LPIN2: variants seen among roughly 807,000 people sequenced by gnomAD.
LPIN2 encodes the protein lipin 2.
LPIN2 carries 55 observed loss-of-function variants against 111.4 expected under a neutral mutation model. The observed-to-expected ratio is 0.49, with a 90% confidence interval of 0.40 to 0.62. The LOEUF is 0.62. LPIN2 is among the 20% of genes least tolerant of loss of function. The pLI is 0.00. For missense variants in LPIN2, 992 were observed against 1,112.1 expected (o/e 0.89, Z 1.54); for synonymous variants, 425 against 414.0 (o/e 1.03, Z -0.32).
rs557256576 is a variant in LPIN2 at position 2,946,543 on chromosome 18, T to C, written c.590+4512A>G. 1,206 of 1,494,828 alleles carry C rather than the reference T, an allele frequency of 8.1e-4. 3 individuals are homozygous for C. The highest frequency in any genetic ancestry group is 1.2e-3 in the East Asian group (54 of 44,182). 92.6% of individuals were successfully genotyped at this position (1,494,828 alleles called of 1,614,324 possible). Reference sequence around the variant, plus strand: ...TGTAGCACAGCAAGGCCATTTTTTTTCCCACTGTCACAGGCAAGGCCCAAA... The same window carrying C: ...TGTAGCACAGCAAGGCCATTTTTTTCCCCACTGTCACAGGCAAGGCCCAAA... On this transcript the variant is annotated intron_variant, in intron 4 of 19. Coordinates refer to ENST00000677752, the MANE Select transcript of LPIN2 (RefSeq NM_001375808.2).
intron 2 of LPIN2, among the ~76,000 whole-genome samples, chr18:2,955,702 G>A (rs1020838834): frequency 1.3e-5 from 2 of 152,150 alleles, no homozygotes; most frequent in African/African-American, 4.8e-5. Flanking sequence ...GGTCACCTGA[G>A]GTCAAGAGTT....
chr18:2,946,751 A>C, intron 4 of LPIN2: 1 of 532,078 alleles, frequency 1.9e-6, no homozygotes, highest in Non-Finnish European at 3.4e-6. Context: ...AGTATGGAAC[A>C]GATAAGTGGG....
At chr18:2,997,084 C>A (rs2078357158) in intron 1 of LPIN2, among the ~76,000 whole-genome samples, 1 of 151,912 alleles carries the variant, frequency 6.6e-6, no homozygotes, top group African/African-American at 2.4e-5. Flanking sequence ...CGGATTCAAG[C>A]AATTCTCCTG....
At chr18:2,968,566 A>G (rs1488095372) in intron 1 of LPIN2, among the ~76,000 whole-genome samples, 1 of 116,476 alleles carries the variant, frequency 8.6e-6, no homozygotes, top group Non-Finnish European at 2.0e-5. Context: ...ACTAGAGAAC[A>G]AAAAGAGAAA....
intron 4 of LPIN2, chr18:2,946,784 G>C (rs2077459008): frequency 2.1e-6 from 1 of 479,598 alleles, no homozygotes; most frequent in East Asian, 4.3e-5. Context: ...CATAACCAAA[G>C]ACCACTAACT....
At chr18:2,974,991 C>T (rs1453135566) in intron 1 of LPIN2, among the ~76,000 whole-genome samples, 2 of 152,106 alleles carry the variant, frequency 1.3e-5, no homozygotes, top group African/African-American at 4.8e-5. Flanking sequence ...AGAGCAAGAT[C>T]CTGACTCAAA....
At chr18:2,982,927 T>C (rs1462153487) in intron 1 of LPIN2, 4 of 352,558 alleles carry the variant, frequency 1.1e-5, no homozygotes, top group African/African-American at 6.5e-5. Flanking sequence ...AAGCAATGCA[T>C]ACACAAGTTT....
At chr18:2,933,236 A>G (rs1482340326) in intron 8 of LPIN2, among the ~76,000 whole-genome samples, 1 of 152,212 alleles carries the variant, frequency 6.6e-6, no homozygotes, top group Non-Finnish European at 1.5e-5. Context: ...ATGGACAGTG[A>G]CTGTGAACAG....
At chr18:2,928,468 A>T (rs2144147767) in intron 11 of LPIN2, 123 bp downstream of exon 11, 1 of 945,012 alleles carries the variant, frequency 1.1e-6, no homozygotes, top group Non-Finnish European at 1.7e-6. Flanking sequence ...CTTTTATATT[A>T]AATATTAAGC....
rs115359001 is a variant in LPIN2, at chr18:2,971,284, G to A, written c.-9-10435C>T. 5.2e-3 allele frequency among the ~76,000 whole-genome samples: 796 copies of A among 152,230 alleles called. 8 individuals carry two copies. The highest frequency in any genetic ancestry group is 0.018 in the African/African-American group (734 of 41,530). Reference sequence around the variant, plus strand: ...GGAGGAAGTGGGATCAAAAAGGAACGTACATCCACAACAGATTGTGAATCC... The same window carrying A: ...GGAGGAAGTGGGATCAAAAAGGAACATACATCCACAACAGATTGTGAATCC... On this transcript the variant is annotated intron_variant, in intron 1 of 19. Transcript: ENST00000677752.
Position 2,927,718 on chromosome 18 carries a change from T to C in LPIN2, c.1710+4A>G, listed in dbSNP as rs1208629242. The C allele has an allele frequency of 6.2e-7, 1 of 1,613,998 alleles. No individual in the cohort carries two copies. The highest frequency in any genetic ancestry group is 1.7e-5 in the Admixed American group (1 of 60,036). ...ACGGAAACAATGACCTCTAGGTCTG[T>C]TACCTGTTTGGTCATGCTTTCTCTC... On this transcript the variant is annotated splice_donor_region_variant and intron_variant, in intron 12 of 19. Coordinates refer to ENST00000677752, the MANE Select transcript of LPIN2 (RefSeq NM_001375808.2).
intron 8 of LPIN2, among the ~76,000 whole-genome samples, chr18:2,932,043 TATTCCAGGAGCTA>T (rs1407069294): frequency 1.3e-5 from 2 of 152,234 alleles, no homozygotes; most frequent in Admixed American, 1.3e-4. Flanking sequence ...ATGTAACTGT[TATTCCAGGAGCTA>T]AAGATGAGGT....
chr18:2,940,617 G>A lies in LPIN2; in HGVS notation c.686C>T (p.Ser229Phe). 1 of 1,606,486 alleles carries A rather than the reference G, an allele frequency of 6.2e-7. No homozygotes were observed. The highest frequency in any genetic ancestry group is 8.5e-7 in the Non-Finnish European group (1 of 1,173,390). Residue 229 changes from serine to phenylalanine, a missense_variant, in exon 5 of 20, where the codon TCC (serine) becomes TTC (phenylalanine). Physicochemically the swap from Ser to Phe is radical, Grantham distance 155. This residue lies in a region of LPIN2 where 709 missense variants were observed against 753.2 expected (regional missense o/e 0.94). Transcript: ENST00000677752. ...DHYPLSDGDWSPLETTYPQTA... is the reference protein window; with the variant it reads ...DHYPLSDGDWFPLETTYPQTA... ...CAAAGATACTTACGTCTCTAAAGGG[G>A]ACCAATCTCCATCAGATAAGGGGTA...
intron 1 of LPIN2, among the ~76,000 whole-genome samples, chr18:2,963,252 C>T (rs530507169): frequency 1.2e-4 from 19 of 152,282 alleles, no homozygotes; most frequent in African/African-American, 4.3e-4. Flanking sequence ...GCTTCCTCAC[C>T]GTTAGTTACG....
At chr18:2,988,414 TAAAATG>T (rs2078217919) in intron 1 of LPIN2, among the ~76,000 whole-genome samples, 1 of 152,248 alleles carries the variant, frequency 6.6e-6, no homozygotes, top group African/African-American at 2.4e-5. Context: ...AAATTTAAAT[TAAAATG>T]AAAGTAACTG....
At chr18:3,006,801 C>CAA (rs1156404506) in intron 1 of LPIN2, among the ~76,000 whole-genome samples, 3 of 151,474 alleles carry the variant, frequency 2.0e-5, no homozygotes, top group African/African-American at 7.3e-5. Flanking sequence ...CGCGCCGCTG[C>CAA]ACTCCAGCCT....
At position 2,925,229 on chromosome 18, in the gene LPIN2, G is replaced by A; in HGVS notation, c.1933C>T (p.Gln645Ter). 6.2e-7 allele frequency: 1 copy of A among 1,614,202 alleles called. No homozygotes were observed. Among genetic ancestry groups the A allele is most frequent in the Non-Finnish European group, 8.5e-7 (1 of 1,180,034 alleles). The change falls in exon 14 of 20, where the codon CAG becomes TAG. Residue 645 changes from glutamine (Q) to a stop codon, truncating the protein, a stop_gained. Coordinates refer to ENST00000677752, the MANE Select transcript of LPIN2 (RefSeq NM_001375808.2). LOFTEE classifies it high-confidence loss of function. This position sits in a 1 kb window ranked among gnomAD's most constrained non-coding sequence, Gnocchi z 4.1. The part of the protein sequence containing the change: ...YKKSLRLSSD[Q>*]IAKLKLHDGP... ...ACAGATCATGCAAGACTCACGATCT[G>A]GTCTGAGGAGAGGCGGAGAGACTTC...
chr18:2,931,001 G>A (rs967053453), intron 9 of LPIN2, among the ~76,000 whole-genome samples: 8 of 152,100 alleles, frequency 5.3e-5, no homozygotes, highest in African/African-American at 1.9e-4. Flanking sequence ...AAAACAGGGC[G>A]GCCTGATAAC....
At chr18:2,976,773 A>G (rs931700019) in intron 1 of LPIN2, among the ~76,000 whole-genome samples, 2 of 152,236 alleles carry the variant, frequency 1.3e-5, no homozygotes, top group Non-Finnish European at 2.9e-5. Context: ...AGAAGAAATG[A>G]TGATTAACCC....
Sources: gnomAD v4.1 joint callset for allele counts (sites outside exome capture counted in the v4.1 genomes callset) on GRCh38, gnomAD v4.1.1 for gene constraint, gnomAD v4.1.1 regional missense constraint, Gnocchi (gnomAD v3.1) non-coding constraint, MANE v1.5 for transcripts, NCBI Gene and HGNC (gene_info 2026-07-23, HGNC 2026-07-21) for gene names.